The following ARHGEF18 variants were observed in gnomAD, a reference collection of about 807,000 sequenced individuals.
ARHGEF18 encodes Rho/Rac guanine nucleotide exchange factor 18.
Under a neutral mutation model 155.7 loss-of-function variants are expected in ARHGEF18, and 93 were observed. That is an observed-to-expected ratio of 0.60 (90% CI 0.50 to 0.71). The LOEUF is 0.71. ARHGEF18 is among the 30% of genes least tolerant of loss of function. The pLI is 0.00. For synonymous variants in ARHGEF18, 742 were observed against 753.1 expected (o/e 0.99, Z 0.24); for missense variants, 1,593 against 1,816.1 (o/e 0.88, Z 2.23).
Position 7,409,327 on chromosome 19 carries a change from T to TAAAA in ARHGEF18, c.967+26141_967+26144dup, listed in dbSNP as rs142783549. On this transcript the variant is annotated intron_variant, in intron 10 of 28. Coordinates refer to ENST00000668164, the MANE Select transcript of ARHGEF18 (RefSeq NM_001367823.1). ...ACCGCGTCCGGCCGACCCTGTTTCT[T>TAAAA]AAAAAAAAAAAAAAAAAAAAGACTT... Among the ~76,000 whole-genome samples the TAAAA allele has an allele frequency of 7.0e-5, 8 of 114,654 alleles. 2 individuals are homozygous for TAAAA. The highest frequency in any genetic ancestry group is 1.2e-4 in the Non-Finnish European group (7 of 59,408). 75.2% of individuals were successfully genotyped at this position (114,654 alleles called of 152,430 possible). A position where few individuals can be genotyped will look rare whatever the true frequency, so the allele number is the denominator to read the frequency against.
In ARHGEF18 at chr19:7,349,058, A is replaced by G. The variant is rs1039810786; in HGVS notation, c.-294A>G. 6.6e-6 allele frequency: 1 copy of G among 152,408 alleles called. No individual in the cohort carries two copies. Among genetic ancestry groups the G allele is most frequent in the African/African-American group, 2.4e-5 (1 of 41,464 alleles). The allele number at this position is 152,408 out of a possible 1,614,324, so 9.4% of individuals were successfully genotyped here. A position where few individuals can be genotyped will look rare whatever the true frequency, so the allele number is the denominator to read the frequency against. ...TGCAGCTGGGAGCAGAGTGGCAAGC[A>G]TGCAGGCAGGCAGTTGAGAAAGAGG... On this transcript the variant is annotated 5_prime_UTR_variant, in exon 1 of 29. The change abolishes an upstream ATG in the 5' untranslated region. Transcript: ENST00000668164.
intron 17 of ARHGEF18, among the ~76,000 whole-genome samples, chr19:7,456,056 C>T (rs1389093253): frequency 3.3e-5 from 5 of 152,194 alleles, no homozygotes; most frequent in South Asian, 2.1e-4. Context: ...AGAGAATTGC[C>T]GGGCACAGTG....
At chr19:7,396,076 C>T (rs867556299) in intron 10 of ARHGEF18, among the ~76,000 whole-genome samples, 30 of 152,272 alleles carry the variant, frequency 2.0e-4, no homozygotes, top group Non-Finnish European at 3.2e-4. Context: ...GCTCCACTTA[C>T]AAGTGGGAAA....
chr19:7,466,856 C>G, intron 23 of ARHGEF18, 62 bp from the exon 24 acceptor site: 5 of 996,386 alleles, frequency 5.0e-6, no homozygotes, highest in Non-Finnish European at 7.5e-6. Flanking sequence ...AAGAAGAAGG[C>G]TTGAGTCTAG....
chr19:7,392,216 G>A (rs1171538635), intron 10 of ARHGEF18, among the ~76,000 whole-genome samples: 1 of 145,038 alleles, frequency 6.9e-6, no homozygotes, highest in African/African-American at 2.6e-5. Context: ...ACTCCAGCTT[G>A]GGCAACAGAG....
chr19:7,450,152 G>A (rs1975272255), intron 15 of ARHGEF18, among the ~76,000 whole-genome samples: 1 of 151,498 alleles, frequency 6.6e-6, no homozygotes, highest in Admixed American at 6.6e-5. Flanking sequence ...GCAGGATCTT[G>A]CTGTCCATTT....
At chr19:7,353,159 G>A (rs1451276202) in intron 1 of ARHGEF18, among the ~76,000 whole-genome samples, 1 of 151,708 alleles carries the variant, frequency 6.6e-6, no homozygotes, top group Non-Finnish European at 1.5e-5. Context: ...TCTTTCCAGG[G>A]CCGTGATTCT....
At chr19:7,414,076 G>A (rs906014288) in intron 10 of ARHGEF18, among the ~76,000 whole-genome samples, 1 of 152,090 alleles carries the variant, frequency 6.6e-6, no homozygotes, top group African/African-American at 2.4e-5. Flanking sequence ...GATACTGTAG[G>A]CATTTGGGGC....
downstream of ARHGEF18, among the ~76,000 whole-genome samples, chr19:7,473,774 C>T (rs564768822): frequency 9.1e-4 from 126 of 138,706 alleles, no homozygotes; most frequent in African/African-American, 3.3e-3. Flanking sequence ...TGCGCCACTG[C>T]ACTCAGCCTA....
chr19:7,433,950 C>T lies in ARHGEF18; in HGVS notation c.968-6394C>T, dbSNP rs139874975. ...AGGAGAATCACTTGAACCTAGGAGG[C>T]GGAGGTTGCAGTGAACTGACATCAC... On this transcript the variant is annotated intron_variant, in intron 10 of 28. Coordinates refer to ENST00000668164, the MANE Select transcript of ARHGEF18 (RefSeq NM_001367823.1). Among the ~76,000 whole-genome samples, 1,462 of 148,852 alleles carry T rather than the reference C, an allele frequency of 9.8e-3. 9 individuals are homozygous for T. The highest frequency in any genetic ancestry group is 0.014 in the Non-Finnish European group (946 of 67,540).
intron 2 of ARHGEF18, among the ~76,000 whole-genome samples, chr19:7,363,601 AAGAT>A (rs1969725541): frequency 6.6e-6 from 1 of 151,732 alleles, no homozygotes. Context: ...GGAAGGAAGG[AAGAT>A]GGATGGATGA....
chr19:7,460,024 C>T, intron 20 of ARHGEF18, 30 bp downstream of exon 20: 3 of 1,545,460 alleles, frequency 1.9e-6, no homozygotes, highest in South Asian at 1.2e-5. Context: ...TGGGCACACC[C>T]CTTGTGTGGT....
intron 15 of ARHGEF18, among the ~76,000 whole-genome samples, chr19:7,447,601 C>CATCT (rs2145810662): frequency 6.6e-6 from 1 of 152,132 alleles, no homozygotes; most frequent in Admixed American, 6.6e-5. Flanking sequence ...AATTAAAAGG[C>CATCT]ATCTGTTATG....
rs775865950 is a variant in ARHGEF18, at chr19:7,466,922, A to T, written c.2909A>T (p.Glu970Val). Reference sequence around the variant, plus strand: ...TTGACGGTGTCCTCTTCCCAGGTGGAGGCGCCAGGCACGGAATCCGATCCC... The same window carrying T: ...TTGACGGTGTCCTCTTCCCAGGTGGTGGCGCCAGGCACGGAATCCGATCCC... Reference protein sequence around the residue: ...GSSEESPQVVEAPGTESDPRL... With the variant: ...GSSEESPQVVVAPGTESDPRL... Residue 970 changes from glutamate to valine, a missense_variant, in exon 24 of 29, where the codon GAG becomes GTG. Coordinates refer to ENST00000668164, the MANE Select transcript of ARHGEF18 (RefSeq NM_001367823.1). 1.9e-6 allele frequency: 3 copies of T among 1,612,434 alleles called. No homozygotes were observed. The highest frequency in any genetic ancestry group is 2.5e-6 in the Non-Finnish European group (3 of 1,179,884).
chr19:7,387,635 A>G (rs1009362894), intron 10 of ARHGEF18, among the ~76,000 whole-genome samples: 1 of 152,056 alleles, frequency 6.6e-6, no homozygotes, highest in African/African-American at 2.4e-5. Flanking sequence ...CTGTTCATTT[A>G]TGTATCACCT....
the ARHGEF18 span, chr19:7,478,273 G>A: frequency 6.3e-7 from 1 of 1,595,966 alleles, no homozygotes; most frequent in Non-Finnish European, 8.5e-7. Flanking sequence ...ACGCCTGCTG[G>A]AGGGAGTGGG....
chr19:7,395,055 C>T lies in ARHGEF18; in HGVS notation c.967+11852C>T. 5.1e-6 allele frequency: 5 copies of T among 985,448 alleles called. No individual in the cohort carries two copies. The highest frequency in any genetic ancestry group is 6.0e-6 in the Non-Finnish European group (5 of 829,930). 61.0% of individuals were successfully genotyped at this position (985,448 alleles called of 1,614,324 possible). A position where few individuals can be genotyped will look rare whatever the true frequency, so the allele number is the denominator to read the frequency against. ...CGCCCCGCCCTCGAGGGCACGCCTC[C>T]TTCCGGGTCACGCCCTCTGCCCCGC... On this transcript the variant is annotated intron_variant, in intron 10 of 28. Coordinates refer to ENST00000668164, the MANE Select transcript of ARHGEF18 (RefSeq NM_001367823.1). This position sits in a 1 kb window ranked among gnomAD's most constrained non-coding sequence, Gnocchi z 5.0.
intron 18 of ARHGEF18, among the ~76,000 whole-genome samples, chr19:7,457,514 C>T (rs1022804929): frequency 2.3e-4 from 35 of 151,746 alleles, no homozygotes; most frequent in African/African-American, 8.0e-4. Flanking sequence ...AGGCACCTGC[C>T]GCCACACCCG....
chr19:7,466,543 C>G (rs546820436), intron 23 of ARHGEF18, among the ~76,000 whole-genome samples: 1 of 150,558 alleles, frequency 6.6e-6, no homozygotes, highest in South Asian at 2.1e-4. Flanking sequence ...TGGCTCATGC[C>G]TGTAATCCCA....
Sources: gnomAD v4.1 joint callset for allele counts (sites outside exome capture counted in the v4.1 genomes callset) on GRCh38, gnomAD v4.1.1 for gene constraint, Gnocchi (gnomAD v3.1) non-coding constraint, MANE v1.5 for transcripts, NCBI Gene and HGNC (gene_info 2026-07-23, HGNC 2026-07-21) for gene names.